Variants in CSGALNACT1 observed in about 807,000 individuals in gnomAD.
CSGALNACT1 encodes beta4GalNAcT-1.
CSGALNACT1 carries 52 observed loss-of-function variants against 51.0 expected under a neutral mutation model. The observed-to-expected ratio is 1.02, with a 90% CI of 0.82 to 1.29. The LOEUF (loss-of-function observed/expected upper bound fraction) is 1.29. CSGALNACT1 is among the 50% of genes most tolerant of loss of function. The pLI is 0.00. For synonymous variants in CSGALNACT1, 341 were observed against 254.4 expected (o/e 1.34, Z -3.24); for missense variants, 935 against 679.2 (o/e 1.38, Z -4.19).
upstream of CSGALNACT1, among the ~76,000 whole-genome samples, chr8:19,606,762 C>CA (rs2051430492): frequency 1.3e-5 from 2 of 152,084 alleles, no homozygotes; most frequent in African/African-American, 4.8e-5. Context: ...TCTCAGATAA[C>CA]AAAATTATGC....
intron 1 of CSGALNACT1, among the ~76,000 whole-genome samples, chr8:19,667,075 GAAA>G (rs1564387432): frequency 1.6e-5 from 2 of 125,216 alleles, no homozygotes; most frequent in African/African-American, 5.9e-5. Context: ...AAGAAAGAAA[GAAA>G]GAAAGAAAGA....
intron 1 of CSGALNACT1, among the ~76,000 whole-genome samples, chr8:19,681,246 G>A (rs889876886): frequency 1.3e-5 from 2 of 152,124 alleles, no homozygotes; most frequent in African/African-American, 4.8e-5. Flanking sequence ...GAAATTCACA[G>A]CAAGGAAAGG....
At chr8:19,601,732 A>T (rs2050468230) in intron 2 of CSGALNACT1, 39 bp downstream of exon 2, 1 of 443,624 alleles carries the variant, frequency 2.3e-6, no homozygotes, top group African/African-American at 2.0e-5. Context: ...AAAGCAGACC[A>T]TGCAAAGGTT....
At chr8:19,626,401 T>C (rs1463711047) in intron 1 of CSGALNACT1, among the ~76,000 whole-genome samples, 2 of 151,802 alleles carry the variant, frequency 1.3e-5, no homozygotes, top group Non-Finnish European at 2.9e-5. Flanking sequence ...AAAAAAAAAA[T>C]TTACAATCTA....
chr8:19,563,986 C>G (rs1015906239), intron 3 of CSGALNACT1, among the ~76,000 whole-genome samples: 2 of 152,096 alleles, frequency 1.3e-5, no homozygotes, highest in African/African-American at 2.4e-5. Context: ...CTCCACGGCT[C>G]TCCACACCAC....
At chr8:19,587,614 G>C (rs1383961362) in intron 3 of CSGALNACT1, among the ~76,000 whole-genome samples, 2 of 152,092 alleles carry the variant, frequency 1.3e-5, no homozygotes, top group Non-Finnish European at 2.9e-5. Context: ...CATGTTCTTA[G>C]CAATACCACA....
At chr8:19,423,355 G>A (rs2058253551) in intron 6 of CSGALNACT1, among the ~76,000 whole-genome samples, 1 of 152,208 alleles carries the variant, frequency 6.6e-6, no homozygotes, top group Non-Finnish European at 1.5e-5. Context: ...AAGAAATGAC[G>A]AGTCTACAAG....
At chr8:19,649,819 C>CAAAAAAAAAA (rs57549612) in intron 1 of CSGALNACT1, among the ~76,000 whole-genome samples, 3,905 of 29,386 alleles carry the variant, frequency 0.13, 1,267 homozygotes, top group East Asian at 0.26. Context: ...TTCCAAGTAG[C>CAAAAAAAAAA]AAAAAAAAAA....
intron 3 of CSGALNACT1, among the ~76,000 whole-genome samples, chr8:19,506,649 A>G (rs1405916087): frequency 1.3e-5 from 2 of 152,166 alleles, no homozygotes; most frequent in East Asian, 3.8e-4. Flanking sequence ...GGCATAGCTT[A>G]GTGCCATTCT....
intron 2 of CSGALNACT1, among the ~76,000 whole-genome samples, chr8:19,597,671 C>T (rs1462558173): frequency 1.3e-5 from 2 of 152,072 alleles, no homozygotes; most frequent in Admixed American, 6.6e-5. Flanking sequence ...CCCTTGCCTC[C>T]AAGGCAGCAG....
chr8:19,689,356 T>C (rs2061160980), intron 1 of CSGALNACT1, among the ~76,000 whole-genome samples: 1 of 152,188 alleles, frequency 6.6e-6, no homozygotes. Flanking sequence ...AACTGAGCTC[T>C]GGTCAACAGC....
chr8:19,542,688 C>T (rs2085493623), intron 3 of CSGALNACT1, among the ~76,000 whole-genome samples: 3 of 152,136 alleles, frequency 2.0e-5, no homozygotes, highest in African/African-American at 7.2e-5. Flanking sequence ...TTCTGCCAGC[C>T]ATCTCTTCAT....
At chr8:19,726,671 G>A (rs1001781849) in intron 1 of CSGALNACT1, among the ~76,000 whole-genome samples, 2 of 151,976 alleles carry the variant, frequency 1.3e-5, no homozygotes. Flanking sequence ...AATATTTTTA[G>A]AATGAGTATA....
chr8:19,750,258 A>G (rs2064948233), intron 1 of CSGALNACT1, among the ~76,000 whole-genome samples: 1 of 152,154 alleles, frequency 6.6e-6, no homozygotes, highest in Non-Finnish European at 1.5e-5. Context: ...CTCTTTGGCC[A>G]GCTTAGGTAA....
At chr8:19,755,719 A>C (rs1300116259) in intron 1 of CSGALNACT1, among the ~76,000 whole-genome samples, 2 of 152,198 alleles carry the variant, frequency 1.3e-5, no homozygotes, top group African/African-American at 4.8e-5. Context: ...ACTGCACTGT[A>C]ATGTAAACGG....
chr8:19,666,831 GAGAAAGAAAGAAAGAAAGAAAGAA>G lies in CSGALNACT1; in HGVS notation c.-544+15618_-544+15641del, dbSNP rs34197786. Among the ~76,000 whole-genome samples, 14 of 24,938 alleles carry G rather than the reference GAGAAAGAAAGAAAGAAAGAAAGAA, an allele frequency of 5.6e-4. 1 individual carries two copies. The highest frequency in any genetic ancestry group is 2.4e-3 in the African/African-American group (12 of 4,934). The allele number at this position is 24,938 out of a possible 152,430, so 16.4% of individuals were successfully genotyped here. A position where few individuals can be genotyped will look rare whatever the true frequency, so the allele number is the denominator to read the frequency against. ...AGAAAGAGAGAGAGAGAGAGAGAGA[GAGAAAGAAAGAAAGAAAGAAAGAA>G]AGAAAGAAAGAAAGAAAGAAAGAAA... On this transcript the variant is annotated intron_variant, in intron 1 of 9. Coordinates refer to the CSGALNACT1 transcript ENST00000332246.
chr8:19,423,444 T>C (rs1165876974), intron 6 of CSGALNACT1, among the ~76,000 whole-genome samples: 1 of 152,174 alleles, frequency 6.6e-6, no homozygotes, highest in African/African-American at 2.4e-5. Context: ...GTGGTGTGCA[T>C]GCTTACCTAA....
intron 3 of CSGALNACT1, among the ~76,000 whole-genome samples, chr8:19,527,536 C>T (rs796305030): frequency 3.3e-5 from 5 of 152,078 alleles, no homozygotes; most frequent in East Asian, 1.9e-4. Context: ...CTTGAACCTG[C>T]GAGGCAGAGG....
chr8:19,718,053 G>A (rs911247670), intron 1 of CSGALNACT1, among the ~76,000 whole-genome samples: 1 of 152,128 alleles, frequency 6.6e-6, no homozygotes, highest in East Asian at 1.9e-4. Context: ...TCTCCTTGGG[G>A]CCCAGAGTCC....
Sources: allele counts gnomAD v4.1 joint callset (sites outside exome capture counted in the v4.1 genomes callset), GRCh38; gene constraint gnomAD v4.1.1; transcripts MANE v1.5; gene names NCBI Gene and HGNC (gene_info 2026-07-23, HGNC 2026-07-21).